NME7: variants seen among roughly 807,000 people sequenced by gnomAD.
NME7 encodes NME/NM23 family member 7, also known as nucleoside diphosphate kinase 7.
NME7 carries 41 observed loss-of-function variants against 49.1 expected under a neutral mutation model. That is an observed-to-expected ratio of 0.83 (90% CI 0.65 to 1.08). NME7 has a LOEUF of 1.08. Ranked by LOEUF, NME7 falls within the 50% of genes least tolerant of loss-of-function variation. The probability of loss-of-function intolerance (pLI) is 0.00; values close to 1 mark genes in which losing one functional copy is unlikely to be tolerated. For missense variants in NME7, 423 were observed against 463.4 expected (o/e 0.91, Z 0.80); for synonymous variants, 139 against 150.6 (o/e 0.92, Z 0.56).
chr1:169,143,525 G>A (rs1451345571), intron 11 of NME7, among the ~76,000 whole-genome samples: 1 of 152,064 alleles, frequency 6.6e-6, no homozygotes, highest in African/African-American at 2.4e-5. Flanking sequence ...GCAATAATCA[G>A]AATTTATACT....
chr1:169,169,975 G>A (rs1659532313), intron 10 of NME7, among the ~76,000 whole-genome samples: 1 of 152,098 alleles, frequency 6.6e-6, no homozygotes, highest in Non-Finnish European at 1.5e-5. Context: ...ATTTAATGAG[G>A]GTTAGAGAGA....
chr1:169,252,486 G>A (rs1051941908), intron 7 of NME7, among the ~76,000 whole-genome samples: 51 of 151,964 alleles, frequency 3.4e-4, no homozygotes, highest in Non-Finnish European at 5.6e-4. Flanking sequence ...AGTAGGTTGC[G>A]AAAATTTTCT....
chr1:169,366,594 CA>C (rs1304946151), intron 1 of NME7, among the ~76,000 whole-genome samples: 5 of 152,070 alleles, frequency 3.3e-5, no homozygotes, highest in African/African-American at 7.2e-5. Context: ...CAAATGAGAT[CA>C]AGAGCAAAGA....
At chr1:169,337,237 G>A (rs904920674) in intron 1 of NME7, among the ~76,000 whole-genome samples, 4 of 152,246 alleles carry the variant, frequency 2.6e-5, no homozygotes, top group Admixed American at 2.0e-4. Flanking sequence ...AGGCAGCTAA[G>A]GCACGCGGTG....
At chr1:169,322,603 T>C (rs944823282) in intron 3 of NME7, 1 of 148,510 alleles carries the variant, frequency 6.7e-6, no homozygotes. Context: ...ATATGGTTTC[T>C]TTTTTTTTTC....
chr1:169,256,141 T>C (rs1032652346), intron 7 of NME7, among the ~76,000 whole-genome samples: 4 of 133,462 alleles, frequency 3.0e-5, no homozygotes, highest in African/African-American at 1.0e-4. Context: ...TTCTCCTGGA[T>C]AATATCCTAC....
chr1:169,287,254 A>G, intron 7 of NME7, 49 bp downstream of exon 7: 1 of 1,337,540 alleles, frequency 7.5e-7, no homozygotes, highest in Non-Finnish European at 1.1e-6. Context: ...GAAAATAAAC[A>G]TTGCTCTCCT....
rs76738006 is a variant in NME7, at chr1:169,348,379, A to C, written c.3+19329T>G. 1.6e-3 allele frequency among the ~76,000 whole-genome samples: 225 copies of C among 141,810 alleles called. 7 individuals are homozygous for C. Among genetic ancestry groups the C allele is most frequent in the Middle Eastern group, 7.4e-3 (2 of 270 alleles). The allele number at this position is 141,810 out of a possible 152,430, so 93.0% of individuals were successfully genotyped here. Reference sequence around the variant, plus strand: ...CAAAAAAAAGCAAAAAAAAAAAAAAACCCACATTTTCAAGCTTAATCCCAA... The same window carrying C: ...CAAAAAAAAGCAAAAAAAAAAAAAACCCCACATTTTCAAGCTTAATCCCAA... On this transcript the variant is annotated intron_variant, in intron 1 of 11. Coordinates refer to ENST00000367811, the MANE Select transcript of NME7 (RefSeq NM_013330.5).
intron 3 of NME7, among the ~76,000 whole-genome samples, chr1:169,314,420 C>G (rs1651529952): frequency 6.6e-6 from 1 of 151,708 alleles, no homozygotes; most frequent in Non-Finnish European, 1.5e-5. Context: ...GTTGTAGTTT[C>G]TAGTGTAAAT....
intron 7 of NME7, among the ~76,000 whole-genome samples, chr1:169,253,185 T>A (rs1304000887): frequency 1.3e-5 from 2 of 150,622 alleles, no homozygotes; most frequent in East Asian, 3.9e-4. Flanking sequence ...TGATTCTTCC[T>A]ACCCATGAGC....
intron 1 of NME7, among the ~76,000 whole-genome samples, chr1:169,339,570 C>A (rs1202212132): frequency 6.6e-6 from 1 of 152,086 alleles, no homozygotes; most frequent in Non-Finnish European, 1.5e-5. Flanking sequence ...TCCAAAAAAG[C>A]AACTGTTGTC....
chr1:169,361,584 A>C (rs1465270419), intron 1 of NME7, among the ~76,000 whole-genome samples: 1 of 152,186 alleles, frequency 6.6e-6, no homozygotes, highest in Non-Finnish European at 1.5e-5. Context: ...GTTTGAGACT[A>C]GCCTGGCCAA....
At chr1:169,152,062 G>T (rs2101822816) in intron 11 of NME7, among the ~76,000 whole-genome samples, 1 of 152,324 alleles carries the variant, frequency 6.6e-6, no homozygotes, top group Non-Finnish European at 1.5e-5. Context: ...TTCTGACAGT[G>T]AAATTAGAGT....
rs34923262 is a variant in NME7 at position 169,198,673 on chromosome 1, T to C, written c.991-29119A>G. On this transcript the variant is annotated intron_variant, in intron 10 of 11. Transcript: ENST00000367811. ...TCCAGAACAGGAAAATCTATAGAGA[T>C]AGAAAGTAGATTAGTGATTGCCTAG... Among the ~76,000 whole-genome samples, 493 of 152,162 alleles carry C rather than the reference T, an allele frequency of 3.2e-3. 5 individuals carry two copies. Among genetic ancestry groups the C allele is most frequent in the Middle Eastern group, 0.024 (7 of 294 alleles).
rs77427376 is a variant in NME7 at position 169,345,155 on chromosome 1, T to A, written c.4-20655A>T. Reference sequence around the variant, plus strand: ...GTATTCCCTTATAATCCTTTTAATTTCTGCAGGGATAGGAGCGATGTCTCC... The same window carrying A: ...GTATTCCCTTATAATCCTTTTAATTACTGCAGGGATAGGAGCGATGTCTCC... On this transcript the variant is annotated intron_variant, in intron 1 of 11. Transcript: ENST00000367811. Among the ~76,000 whole-genome samples, 950 of 152,290 alleles carry A rather than the reference T, an allele frequency of 6.2e-3. 10 individuals carry two copies. Among genetic ancestry groups the A allele is most frequent in the African/African-American group, 0.022 (895 of 41,554 alleles).
chr1:169,281,843 G>A (rs776177994), intron 7 of NME7, among the ~76,000 whole-genome samples: 8 of 152,088 alleles, frequency 5.3e-5, no homozygotes, highest in African/African-American at 7.2e-5. Context: ...TGCTGGATTC[G>A]GTTTGCCAGT....
At chr1:169,244,694 A>G (rs897552528) in intron 7 of NME7, among the ~76,000 whole-genome samples, 22 of 152,096 alleles carry the variant, frequency 1.4e-4, no homozygotes, top group African/African-American at 5.3e-4. Context: ...ATTCTTCAAA[A>G]TTCTAACAAA....
Position 169,325,272 on chromosome 1 carries a change from G to A in NME7, c.4-772C>T, listed in dbSNP as rs552093527. ...GCCCATCAGGAAGTGCTAGAGCCAG[G>A]TGACTCCCAAGGACAGGGAGGGGCC... On this transcript the variant is annotated intron_variant, in intron 1 of 11. Transcript: ENST00000367811. 2.0e-5 allele frequency among the ~76,000 whole-genome samples: 3 copies of A among 152,172 alleles called. No homozygotes were observed. The South Asian group carries it at 6.2e-4, about 32-fold the overall frequency.
intron 10 of NME7, among the ~76,000 whole-genome samples, chr1:169,214,003 A>T (rs969243477): frequency 6.6e-6 from 1 of 152,070 alleles, no homozygotes; most frequent in Non-Finnish European, 1.5e-5. Flanking sequence ...TAAGCTTTCT[A>T]GTATGTACAA....
Sources: gnomAD v4.1 joint callset for allele counts (sites outside exome capture counted in the v4.1 genomes callset) on GRCh38, gnomAD v4.1.1 for gene constraint, MANE v1.5 for transcripts, NCBI Gene and HGNC (gene_info 2026-07-23, HGNC 2026-07-21) for gene names.